The following TRAPPC9 variants were observed in gnomAD, a reference collection of about 807,000 sequenced individuals.
TRAPPC9 encodes trafficking protein particle complex subunit 9, also known as IKK2 binding protein.
In TRAPPC9, 83 loss-of-function variants were observed where a neutral mutation model predicts 124.0. That is an observed-to-expected ratio of 0.67 (90% CI 0.56 to 0.80). The LOEUF (loss-of-function observed/expected upper bound fraction) is 0.80, where lower values mean the gene tolerates loss of function less well. Among genes scored for constraint, TRAPPC9 ranks in the 30% least tolerant of loss-of-function variants. TRAPPC9 has a pLI of 0.00. For missense variants in TRAPPC9, 1,302 were observed against 1,508.3 expected (o/e 0.86, Z 2.27); for synonymous variants, 638 against 617.5 (o/e 1.03, Z -0.49).
Position 140,299,041 on chromosome 8 carries a change from G to T in TRAPPC9, c.1768+1428C>A, listed in dbSNP as rs563654938. Among the ~76,000 whole-genome samples the T allele has an allele frequency of 1.9e-4, 29 of 152,334 alleles. 1 individual carries two copies. In the East Asian group the frequency reaches 5.6e-3, roughly 29 times the overall value. On this transcript the variant is annotated intron_variant, in intron 11 of 22. Transcript: ENST00000438773. ...ACCGCTAGAGATGGTGGGAGGAGTG[G>T]CCTGCAAGGCGCTGGGATCAGAGAA...
At chr8:140,005,526 G>C (rs1251442862) in intron 18 of TRAPPC9, among the ~76,000 whole-genome samples, 4 of 152,136 alleles carry the variant, frequency 2.6e-5, no homozygotes, top group African/African-American at 9.7e-5. Context: ...TAGGGAGAGG[G>C]CTCTCTAGTC....
intron 9 of TRAPPC9, among the ~76,000 whole-genome samples, chr8:140,339,542 A>G (rs2067137814): frequency 1.3e-5 from 2 of 152,202 alleles, no homozygotes; most frequent in South Asian, 4.1e-4. Context: ...CACACGTGGA[A>G]AGGCTAAGGA....
intron 17 of TRAPPC9, among the ~76,000 whole-genome samples, chr8:140,086,988 G>C (rs1005460714): frequency 2.0e-5 from 3 of 151,622 alleles, no homozygotes; most frequent in African/African-American, 7.3e-5. Flanking sequence ...CCACCATCCT[G>C]TTTCCCTGTT....
At chr8:140,190,239 T>G (rs1231237267) in intron 17 of TRAPPC9, among the ~76,000 whole-genome samples, 1 of 152,118 alleles carries the variant, frequency 6.6e-6, no homozygotes, top group Non-Finnish European at 1.5e-5. Context: ...GAGGATCACT[T>G]GAGGTCAGGA....
intron 17 of TRAPPC9, among the ~76,000 whole-genome samples, chr8:140,139,683 C>G (rs1321689962): frequency 6.6e-6 from 1 of 152,104 alleles, no homozygotes; most frequent in Non-Finnish European, 1.5e-5. Flanking sequence ...CGTACAAAGC[C>G]ATTTATGTGA....
chr8:139,898,594 C>G (rs1013465427), intron 20 of TRAPPC9, among the ~76,000 whole-genome samples: 2 of 152,126 alleles, frequency 1.3e-5, no homozygotes, highest in African/African-American at 4.8e-5. Flanking sequence ...GAGCAGCGGT[C>G]TTATGTGTGT....
intron 17 of TRAPPC9, among the ~76,000 whole-genome samples, chr8:140,138,551 G>A (rs754200792): frequency 3.3e-5 from 5 of 152,040 alleles, no homozygotes; most frequent in Non-Finnish European, 7.3e-5. Flanking sequence ...CCCTCTATGT[G>A]CTTGCTGGAA....
chr8:139,840,260 T>C (rs1306754508), intron 21 of TRAPPC9, among the ~76,000 whole-genome samples: 8 of 152,264 alleles, frequency 5.3e-5, no homozygotes, highest in Non-Finnish European at 1.2e-4. Flanking sequence ...TGGCCACTCC[T>C]CTCAGATGCT....
chr8:140,291,652 T>G (rs916596234), intron 11 of TRAPPC9, among the ~76,000 whole-genome samples: 1 of 152,256 alleles, frequency 6.6e-6, no homozygotes, highest in Non-Finnish European at 1.5e-5. Flanking sequence ...TAGGCTATAT[T>G]GTAAAACAAA....
At chr8:139,854,309 C>T (rs1827671446) in intron 21 of TRAPPC9, among the ~76,000 whole-genome samples, 1 of 152,202 alleles carries the variant, frequency 6.6e-6, no homozygotes, top group Non-Finnish European at 1.5e-5. Flanking sequence ...TGGCTGGTTC[C>T]CTGGAGCCTC....
chr8:139,768,646 C>T (rs1239331803), intron 21 of TRAPPC9, among the ~76,000 whole-genome samples: 1 of 152,178 alleles, frequency 6.6e-6, no homozygotes, highest in Admixed American at 6.5e-5. Context: ...GCATGACTTC[C>T]GTTTTCATTT....
chr8:139,816,543 G>T (rs1184302130), intron 21 of TRAPPC9, among the ~76,000 whole-genome samples: 1 of 152,114 alleles, frequency 6.6e-6, no homozygotes, highest in East Asian at 1.9e-4. Context: ...GGGGACAGAG[G>T]AGAGGTGGAG....
intron 19 of TRAPPC9, among the ~76,000 whole-genome samples, chr8:139,945,339 G>C (rs55657307): frequency 0.21 from 31,711 of 151,666 alleles, 3,550 homozygotes; most frequent in East Asian, 0.38. Context: ...TCAAGACAAA[G>C]AGTATCAAAG....
intron 17 of TRAPPC9, among the ~76,000 whole-genome samples, chr8:140,065,981 G>A (rs1009263442): frequency 2.9e-4 from 44 of 152,194 alleles, no homozygotes; most frequent in Non-Finnish European, 4.4e-4. Flanking sequence ...TCCTCCGATG[G>A]ATCTGGGCAA....
At chr8:140,308,158 C>G (rs757192295) in intron 10 of TRAPPC9, among the ~76,000 whole-genome samples, 1 of 151,862 alleles carries the variant, frequency 6.6e-6, no homozygotes, top group South Asian at 2.1e-4. Flanking sequence ...GGAACAAAAC[C>G]GGCCACACAT....
intron 21 of TRAPPC9, among the ~76,000 whole-genome samples, chr8:139,745,305 C>T (rs1818816081): frequency 6.6e-6 from 1 of 152,238 alleles, no homozygotes; most frequent in Non-Finnish European, 1.5e-5. Context: ...GCCAGAGCTT[C>T]TGCTTCCTTG....
chr8:139,858,312 C>T (rs746227726), intron 21 of TRAPPC9, among the ~76,000 whole-genome samples: 17 of 152,214 alleles, frequency 1.1e-4, no homozygotes, highest in Non-Finnish European at 1.5e-5. Flanking sequence ...TTGCACCTGA[C>T]TTCCGCGATC....
chr8:140,370,519 G>A (rs576055862), intron 8 of TRAPPC9, among the ~76,000 whole-genome samples: 5 of 152,296 alleles, frequency 3.3e-5, no homozygotes, highest in African/African-American at 1.2e-4. Context: ...TTATTAGATT[G>A]ATAGCTTTAT....
intron 17 of TRAPPC9, among the ~76,000 whole-genome samples, chr8:140,179,200 G>A (rs77917470): frequency 0.032 from 4,897 of 152,172 alleles, 101 homozygotes; most frequent in Non-Finnish European, 0.043. Flanking sequence ...CTTTCCCAGT[G>A]TAAGCATCTA....
Sources: allele counts gnomAD v4.1 joint callset (sites outside exome capture counted in the v4.1 genomes callset), GRCh38; gene constraint gnomAD v4.1.1; transcripts MANE v1.5; gene names NCBI Gene and HGNC (gene_info 2026-07-23, HGNC 2026-07-21).